DOCK3: variants seen among roughly 807,000 people sequenced by gnomAD.
DOCK3 encodes dedicator of cytokinesis 3, also known as dedicator of cytokinesis protein 3.
A neutral mutation model predicts 265.6 loss-of-function variants in DOCK3; 60 were observed. That is an observed-to-expected ratio of 0.23 (90% CI 0.18 to 0.28). The LOEUF is 0.28. Ranked by LOEUF, DOCK3 falls within the 10% of genes least tolerant of loss-of-function variation. DOCK3 has a pLI of 1.00. For synonymous variants in DOCK3, 881 were observed against 938.0 expected (o/e 0.94, Z 1.11); for missense variants, 1,981 against 2,594.3 (o/e 0.76, Z 5.14).
At chr3:50,683,255 TA>T (rs1418060132) in intron 1 of DOCK3, among the ~76,000 whole-genome samples, 2 of 152,262 alleles carry the variant, frequency 1.3e-5, no homozygotes, top group Non-Finnish European at 2.9e-5. Context: ...TAGTTTCATT[TA>T]AAAAGTATTT....
intron 12 of DOCK3, among the ~76,000 whole-genome samples, chr3:51,174,752 G>A (rs2086855499): frequency 6.6e-6 from 1 of 152,064 alleles, no homozygotes; most frequent in Non-Finnish European, 1.5e-5. Flanking sequence ...GACTGGTTTT[G>A]GCAGGTAAGG....
intron 27 of DOCK3, among the ~76,000 whole-genome samples, chr3:51,309,616 AGGGAGAG>A: frequency 7.3e-6 from 1 of 136,200 alleles, no homozygotes; most frequent in Non-Finnish European, 1.5e-5. Flanking sequence ...GGAGAGGGAG[AGGGAGAG>A]CGAGAGCGAG....
chr3:50,758,837 T>C (rs893128380), intron 1 of DOCK3, among the ~76,000 whole-genome samples: 30 of 152,270 alleles, frequency 2.0e-4, no homozygotes, highest in African/African-American at 5.8e-4. Flanking sequence ...CCATCATAAG[T>C]TGAGGATCAT....
At chr3:50,808,324 A>G (rs2043549427) in intron 2 of DOCK3, among the ~76,000 whole-genome samples, 1 of 152,240 alleles carries the variant, frequency 6.6e-6, no homozygotes, top group African/African-American at 2.4e-5. Flanking sequence ...ATAAAAATCC[A>G]GCAGGCTTTT....
intron 5 of DOCK3, among the ~76,000 whole-genome samples, chr3:51,053,665 C>T (rs926992926): frequency 2.6e-5 from 4 of 152,096 alleles, no homozygotes; most frequent in African/African-American, 9.7e-5. Flanking sequence ...TCGTGATCCA[C>T]CAGCCTCGGC....
chr3:51,178,428 G>C (rs562723795), intron 12 of DOCK3, among the ~76,000 whole-genome samples: 29 of 152,292 alleles, frequency 1.9e-4, no homozygotes, highest in African/African-American at 6.0e-4. Flanking sequence ...AAAGTAGAGG[G>C]TTGCTCTTTG....
At chr3:50,892,035 A>T (rs764470061) in intron 4 of DOCK3, among the ~76,000 whole-genome samples, 9 of 152,150 alleles carry the variant, frequency 5.9e-5, no homozygotes, top group Non-Finnish European at 1.2e-4. Flanking sequence ...ATTGACCTCC[A>T]TATCCAAATG....
At position 50,788,894 on chromosome 3, in the gene DOCK3, C is replaced by A. The variant is rs1191523496; in HGVS notation, c.121+10136C>A. 2.0e-5 allele frequency among the ~76,000 whole-genome samples: 3 copies of A among 152,212 alleles called. No individual in the cohort carries two copies. In the East Asian group the frequency reaches 5.8e-4, roughly 29 times the overall value. Reference sequence around the variant, plus strand: ...CCCCGTCCCCTTCCTTTGTTGGCCACCCCCCTTTATTATCTTTTCAAAGAA... The same window carrying A: ...CCCCGTCCCCTTCCTTTGTTGGCCAACCCCCTTTATTATCTTTTCAAAGAA... On this transcript the variant is annotated intron_variant, in intron 2 of 52. Coordinates refer to ENST00000266037, the MANE Select transcript of DOCK3 (RefSeq NM_004947.5).
intron 3 of DOCK3, among the ~76,000 whole-genome samples, chr3:50,862,590 A>G (rs536353907): frequency 6.6e-6 from 1 of 152,274 alleles, no homozygotes; most frequent in East Asian, 1.9e-4. Flanking sequence ...CTTCCCTATC[A>G]TGACTTTGTT....
intron 1 of DOCK3, among the ~76,000 whole-genome samples, chr3:50,697,943 G>A (rs955225183): frequency 3.9e-5 from 6 of 152,126 alleles, no homozygotes; most frequent in Non-Finnish European, 7.4e-5. Context: ...TATTCTCATA[G>A]TAAGTTTTCT....
intron 3 of DOCK3, among the ~76,000 whole-genome samples, chr3:50,849,996 GA>G (rs2046284593): frequency 6.6e-6 from 1 of 151,844 alleles, no homozygotes; most frequent in African/African-American, 2.4e-5. Flanking sequence ...ATTGTATTTT[GA>G]AATTCTTTGA....
In DOCK3 at chr3:51,083,366, T is replaced by C. The variant is rs981706574; in HGVS notation, c.550-5877T>C. On this transcript the variant is annotated intron_variant, in intron 7 of 52. Coordinates refer to ENST00000266037, the MANE Select transcript of DOCK3 (RefSeq NM_004947.5). ...GTTACACTGGATGCCCACATATCAA[T>C]GTAAGGACACAAGAAACATAAAAAA... Among the ~76,000 whole-genome samples, 4 of 152,074 alleles carry C rather than the reference T, an allele frequency of 2.6e-5. 1 individual carries two copies. The highest frequency in any genetic ancestry group is 9.7e-5 in the African/African-American group (4 of 41,410).
chr3:51,073,565 C>T (rs979156152), intron 6 of DOCK3, among the ~76,000 whole-genome samples: 1 of 152,124 alleles, frequency 6.6e-6, no homozygotes, highest in East Asian at 1.9e-4. Flanking sequence ...CTTCAATTGG[C>T]ATAGTTTTAT....
At chr3:50,773,982 TA>T (rs768518252) in intron 1 of DOCK3, among the ~76,000 whole-genome samples, 2 of 152,118 alleles carry the variant, frequency 1.3e-5, no homozygotes, top group Non-Finnish European at 2.9e-5. Flanking sequence ...ATTGAGGATT[TA>T]AAACATTTAC....
At chr3:51,081,822 G>A (rs966449343) in intron 7 of DOCK3, among the ~76,000 whole-genome samples, 8 of 151,526 alleles carry the variant, frequency 5.3e-5, no homozygotes, top group Non-Finnish European at 1.2e-4. Flanking sequence ...CGTGAACCTG[G>A]GTGGTGGAGC....
At chr3:50,989,058 G>A (rs965255427) in intron 5 of DOCK3, among the ~76,000 whole-genome samples, 2 of 152,134 alleles carry the variant, frequency 1.3e-5, no homozygotes, top group Admixed American at 6.5e-5. Context: ...GAAGAGGCTG[G>A]TCTTTGACCC....
intron 5 of DOCK3, among the ~76,000 whole-genome samples, chr3:50,945,082 G>A (rs1178501140): frequency 6.6e-6 from 1 of 152,176 alleles, no homozygotes; most frequent in African/African-American, 2.4e-5. Context: ...AGAGTATCCT[G>A]TTAAGATGAC....
intron 5 of DOCK3, among the ~76,000 whole-genome samples, chr3:51,012,993 T>TC (rs1461719683): frequency 2.6e-5 from 4 of 152,202 alleles, no homozygotes; most frequent in Non-Finnish European, 4.4e-5. Flanking sequence ...GGTTTTCAGC[T>TC]CCATCAGGTC....
intron 32 of DOCK3, among the ~76,000 whole-genome samples, chr3:51,320,546 C>T (rs1421862886): frequency 6.6e-6 from 1 of 152,162 alleles, no homozygotes; most frequent in South Asian, 2.1e-4. Flanking sequence ...ATCCCACCCC[C>T]ACGGAGCCCA....
Sources: allele counts gnomAD v4.1 joint callset (sites outside exome capture counted in the v4.1 genomes callset), GRCh38; gene constraint gnomAD v4.1.1; transcripts MANE v1.5; gene names NCBI Gene and HGNC (gene_info 2026-07-23, HGNC 2026-07-21).